Variants in KLHL20 observed in about 807,000 individuals in gnomAD.
KLHL20 encodes kelch like family member 20.
KLHL20 carries 29 observed loss-of-function variants against 69.5 expected under a neutral mutation model. The observed-to-expected ratio is 0.42, with a 90% CI of 0.31 to 0.57. The LOEUF is 0.57. Among genes scored for constraint, KLHL20 ranks in the 20% least tolerant of loss-of-function variants. KLHL20 has a pLI of 0.18. For synonymous variants in KLHL20, 253 were observed against 265.2 expected (o/e 0.95, Z 0.45); for missense variants, 419 against 776.0 (o/e 0.54, Z 5.47).
At position 173,785,318 on chromosome 1, in the gene KLHL20, C is replaced by A; in HGVS notation, c.*71C>A. On this transcript the variant is annotated 3_prime_UTR_variant, in exon 12 of 12. Transcript: ENST00000209884. The stretch of plus-strand genomic sequence containing the variant: ...GCTTTGACCTTGGAGCTTTGTACAG[C>A]TTGAGAAAACATTAGAACAAATTTT... 2 of 1,017,464 alleles carry A rather than the reference C, an allele frequency of 2.0e-6. No individual in the cohort carries two copies. Among genetic ancestry groups the A allele is most frequent in the Non-Finnish European group, 2.8e-6 (2 of 711,048 alleles). The allele number at this position is 1,017,464 out of a possible 1,614,324, so 63.0% of individuals were successfully genotyped here.
chr1:173,728,306 A>G (rs1672079255), intron 2 of KLHL20, among the ~76,000 whole-genome samples: 1 of 152,284 alleles, frequency 6.6e-6, no homozygotes, highest in Admixed American at 6.5e-5. Context: ...AGACTTTAAC[A>G]CCCCACTGTC....
rs1672027312 is a variant in KLHL20 at position 173,727,370 on chromosome 1, CCAA to C, written c.24-6340_24-6338del. Among the ~76,000 whole-genome samples the C allele has an allele frequency of 2.0e-5, 3 of 152,224 alleles. No homozygotes were observed. In the South Asian group the frequency reaches 6.2e-4, roughly 32 times the overall value. On this transcript the variant is annotated intron_variant, in intron 2 of 11. Transcript: ENST00000209884. ...AACTTCCCCAATCGAGCAAGGCAGA[CCAA>C]CATTCAAATTCAGGAAATACAGAGA...
In KLHL20 at chr1:173,716,190, CAATA is replaced by C. The variant is rs201460951; in HGVS notation, c.23+128_23+131del. 2,625 of 789,970 alleles carry C rather than the reference CAATA, an allele frequency of 3.3e-3. 56 individuals carry two copies. The African/African-American group carries it at 0.042, about 13-fold the overall frequency. 48.9% of individuals were successfully genotyped at this position (789,970 alleles called of 1,614,324 possible). The stretch of plus-strand genomic sequence containing the variant: ...CTTGGAACTAATGAGTCTTGTTCTA[CAATA>C]AATCAAAAGTAATATTAAGAATTAA... On this transcript the variant is annotated intron_variant, in intron 2 of 11. Coordinates refer to ENST00000209884, the MANE Select transcript of KLHL20 (RefSeq NM_014458.4).
chr1:173,730,822 T>C (rs1190512064), intron 2 of KLHL20, among the ~76,000 whole-genome samples: 2 of 152,328 alleles, frequency 1.3e-5, no homozygotes, highest in East Asian at 3.9e-4. Flanking sequence ...AAGGACTTCA[T>C]GTCTAAAACA....
chr1:173,751,647 C>T, intron 3 of KLHL20, 117 bp from the exon 4 acceptor site: 3 of 855,564 alleles, frequency 3.5e-6, no homozygotes, highest in South Asian at 4.5e-5. Flanking sequence ...CCTCTGGTAT[C>T]GTTTGAAACT....
chr1:173,720,510 G>A (rs1024537673), intron 2 of KLHL20, among the ~76,000 whole-genome samples: 1 of 152,174 alleles, frequency 6.6e-6, no homozygotes, highest in African/African-American at 2.4e-5. Flanking sequence ...AAGAGCCAAT[G>A]GACATTATTA....
In KLHL20 at chr1:173,757,038, G is replaced by C. The variant is rs781215150; in HGVS notation, c.1030G>C (p.Glu344Gln). 2 of 1,614,178 alleles carry C rather than the reference G, an allele frequency of 1.2e-6. No individual in the cohort carries two copies. Among genetic ancestry groups the C allele is most frequent in the Non-Finnish European group, 1.7e-6 (2 of 1,180,018 alleles). Residue 344 changes from glutamate (E) to glutamine (Q), a missense_variant, in exon 7 of 12, where the codon GAA (glutamate) becomes CAA (glutamine). Transcript: ENST00000209884. ...TGAACGATATGATCCACAGACCAAT[G>C]AATGGAGAATGGTGGCTTCAATGAG... Reference protein sequence around the residue: ...SVERYDPQTNEWRMVASMSKR... With the variant: ...SVERYDPQTNQWRMVASMSKR...
intron 8 of KLHL20, among the ~76,000 whole-genome samples, chr1:173,769,515 G>T (rs181935041): frequency 6.6e-6 from 1 of 152,106 alleles, no homozygotes; most frequent in Non-Finnish European, 1.5e-5. Context: ...TGGACTAGGC[G>T]CTGTGGCTCA....
intron 3 of KLHL20, among the ~76,000 whole-genome samples, chr1:173,743,128 A>T (rs1195429602): frequency 6.6e-6 from 1 of 151,928 alleles, no homozygotes; most frequent in Non-Finnish European, 1.5e-5. Flanking sequence ...GTAAAAAAAA[A>T]AAAAAAGGTG....
At chr1:173,749,855 T>C (rs558102249) in intron 3 of KLHL20, among the ~76,000 whole-genome samples, 1 of 152,284 alleles carries the variant, frequency 6.6e-6, no homozygotes, top group South Asian at 2.1e-4. Flanking sequence ...GAAAGCAAGA[T>C]GCAGTCATGA....
At chr1:173,755,757 A>G (rs774042610) in intron 5 of KLHL20, among the ~76,000 whole-genome samples, 166 bp from the exon 6 acceptor site, 1 of 152,214 alleles carries the variant, frequency 6.6e-6, no homozygotes, top group Non-Finnish European at 1.5e-5. Context: ...TTTGACTGGC[A>G]TTATTGGTTT....
intron 2 of KLHL20, among the ~76,000 whole-genome samples, chr1:173,720,718 C>G (rs1448620249): frequency 6.6e-6 from 1 of 152,010 alleles, no homozygotes; most frequent in African/African-American, 2.4e-5. Context: ...ATAGTAAAAT[C>G]AAAAGGATTT....
Position 173,755,999 on chromosome 1 carries a change from C to G in KLHL20, c.928C>G (p.Pro310Ala). 4 of 1,613,960 alleles carry G rather than the reference C, an allele frequency of 2.5e-6. No individual in the cohort carries two copies. The South Asian group carries it at 4.4e-5, about 18-fold the overall frequency. ...ACTAATGCAAGGACCAAGGACGAGA[C>G]CACGGAAACCTATCCGATGTGGGGA... ...RPLMQGPRTR[P>A]RKPIRCGEVL... The change falls in exon 6 of 12, where the codon CCA becomes GCA. Residue 310 changes from proline (P) to alanine (A), a missense_variant. Around this residue, in one of 6 missense-constraint regions of KLHL20, gnomAD observed 99 missense variants for 240.7 expected, o/e 0.41. Coordinates refer to ENST00000209884, the MANE Select transcript of KLHL20 (RefSeq NM_014458.4).
chr1:173,766,813 ATATT>A (rs1369961119), intron 8 of KLHL20, among the ~76,000 whole-genome samples: 1 of 152,164 alleles, frequency 6.6e-6, no homozygotes, highest in Non-Finnish European at 1.5e-5. Context: ...AAAATTATAT[ATATT>A]CACAGTGTAC....
intron 7 of KLHL20, among the ~76,000 whole-genome samples, chr1:173,761,159 A>G (rs1206432644): frequency 1.3e-5 from 2 of 152,210 alleles, no homozygotes; most frequent in African/African-American, 4.8e-5. Flanking sequence ...TATAATGGTA[A>G]AAGGCTTTGT....
intron 5 of KLHL20, among the ~76,000 whole-genome samples, chr1:173,755,397 A>C (rs1461884675): frequency 1.3e-5 from 2 of 152,156 alleles, no homozygotes; most frequent in African/African-American, 4.8e-5. Flanking sequence ...AAAGTGTCTT[A>C]ACAAGACAGG....
At chr1:173,731,916 G>A (rs1306913300) in intron 2 of KLHL20, among the ~76,000 whole-genome samples, 1 of 151,858 alleles carries the variant, frequency 6.6e-6, no homozygotes, top group African/African-American at 2.4e-5. Context: ...AACCAATAAC[G>A]GCTGGGCACA....
chr1:173,757,651 C>T (rs1045545892), intron 7 of KLHL20, among the ~76,000 whole-genome samples: 4 of 143,452 alleles, frequency 2.8e-5, no homozygotes, highest in African/African-American at 7.8e-5. Flanking sequence ...GGCAAAAGAG[C>T]GAGACTCCTT....
At chr1:173,781,958 A>G in intron 10 of KLHL20, 166 bp from the exon 11 acceptor site, 1 of 539,428 alleles carries the variant, frequency 1.9e-6, no homozygotes, top group South Asian at 2.6e-5. Flanking sequence ...TATAGTTCCC[A>G]TAATTTGATA....
Sources: gnomAD v4.1 joint callset for allele counts (sites outside exome capture counted in the v4.1 genomes callset) on GRCh38, gnomAD v4.1.1 for gene constraint, gnomAD v4.1.1 regional missense constraint, MANE v1.5 for transcripts, NCBI Gene and HGNC (gene_info 2026-07-23, HGNC 2026-07-21) for gene names.